RNF38: variants seen among roughly 807,000 people sequenced by gnomAD.
The protein encoded by RNF38 is ring finger protein 38, also known as E3 ubiquitin-protein ligase RNF38.
Under a neutral mutation model 67.2 loss-of-function variants are expected in RNF38, and 15 were observed. The observed-to-expected ratio is 0.22, with a 90% CI of 0.15 to 0.34. The LOEUF (loss-of-function observed/expected upper bound fraction) is 0.34. RNF38 is among the 10% of genes least tolerant of loss of function. The pLI is 1.00. For missense variants in RNF38, 524 were observed against 639.9 expected (o/e 0.82, Z 1.95); for synonymous variants, 220 against 218.8 (o/e 1.01, Z -0.05).
At chr9:36,425,253 T>C (rs1351899120) in intron 1 of RNF38, among the ~76,000 whole-genome samples, 3 of 152,180 alleles carry the variant, frequency 2.0e-5, no homozygotes, top group Non-Finnish European at 4.4e-5. Context: ...ACACAAACTA[T>C]TCAACAAGTG....
chr9:36,342,246 A>AGC, intron 11 of RNF38, 79 bp downstream of exon 11: 1 of 975,372 alleles, frequency 1.0e-6, no homozygotes. Context: ...CTGTCCACTG[A>AGC]GCTATGAACT....
chr9:36,358,707 G>GA (rs1834304424), intron 4 of RNF38, among the ~76,000 whole-genome samples: 1 of 152,120 alleles, frequency 6.6e-6, no homozygotes, highest in Non-Finnish European at 1.5e-5. Context: ...AAACACAACT[G>GA]AAAAAATATG....
At position 36,342,308 on chromosome 9, in the gene RNF38, A is replaced by C. The variant is rs1832915255; in HGVS notation, c.1485+17T>G. On this transcript the variant is annotated intron_variant, in intron 11 of 11. Transcript: ENST00000259605. ...GAAAATTCAATGTCATTTCCTTTAA[A>C]GATGTCATCACTTTACCTTAAGCCA... 1.3e-6 allele frequency: 2 copies of C among 1,527,500 alleles called. No individual in the cohort carries two copies. The highest frequency in any genetic ancestry group is 1.7e-5 in the Admixed American group (1 of 59,878). 94.6% of individuals were successfully genotyped at this position (1,527,500 alleles called of 1,614,324 possible). A position where few individuals can be genotyped will look rare whatever the true frequency, so the allele number is the denominator to read the frequency against.
chr9:36,357,876 A>G lies in RNF38; in HGVS notation c.637T>C (p.Cys213Arg). The change falls in exon 5 of 12, where the codon TGC becomes CGC. Residue 213 changes from cysteine (C) to arginine (R), a missense_variant. Cys to Arg is a radical substitution (Grantham distance 180, BLOSUM62 -3). Transcript: ENST00000259605. The stretch of plus-strand genomic sequence containing the variant: ...CAAGCAGGGATGTGCTGGCCTGTGC[A>G]GAGTGGAATCCCATGTGGTGCCACT... Reference protein sequence around the residue: ...TTVAPHGIPLCTGQHIPACST... With the variant: ...TTVAPHGIPLRTGQHIPACST... 1.2e-6 allele frequency: 2 copies of G among 1,614,102 alleles called. No homozygotes were observed. The highest frequency in any genetic ancestry group is 1.7e-6 in the Non-Finnish European group (2 of 1,179,962).
At chr9:36,452,014 C>G (rs1039471055) in intron 1 of RNF38, among the ~76,000 whole-genome samples, 2 of 151,914 alleles carry the variant, frequency 1.3e-5, no homozygotes, top group African/African-American at 4.8e-5. Context: ...CTCAGGAGTT[C>G]AAGAATAGCC....
chr9:36,434,526 C>T (rs1400971242), intron 1 of RNF38, among the ~76,000 whole-genome samples: 1 of 152,194 alleles, frequency 6.6e-6, no homozygotes, highest in East Asian at 1.9e-4. Flanking sequence ...GCTGGGATTA[C>T]ACGCATGCGC....
upstream of RNF38, chr9:36,401,034 C>A (rs902603085): frequency 8.1e-6 from 8 of 984,876 alleles, no homozygotes; most frequent in East Asian, 4.6e-4. Flanking sequence ...CCGCGACACG[C>A]GCGGTCCTCC....
chr9:36,390,986 G>A (rs1837038352), intron 1 of RNF38, among the ~76,000 whole-genome samples: 1 of 152,208 alleles, frequency 6.6e-6, no homozygotes, highest in Admixed American at 6.5e-5. Context: ...AAGGTTAAGT[G>A]TTTGCCTGGA....
chr9:36,401,189 G>A (rs1230319593), upstream of RNF38: 8 of 982,422 alleles, frequency 8.1e-6, no homozygotes, highest in African/African-American at 1.8e-5. Flanking sequence ...TTTCCACCCC[G>A]AGGGGGAAGG....
intron 1 of RNF38, among the ~76,000 whole-genome samples, chr9:36,429,758 C>T (rs997226666): frequency 6.6e-6 from 1 of 152,184 alleles, no homozygotes; most frequent in East Asian, 1.9e-4. Flanking sequence ...CACGCCACTG[C>T]ACTCCAGCCT....
At chr9:36,398,487 T>C (rs1467652123) in intron 1 of RNF38, among the ~76,000 whole-genome samples, 2 of 152,224 alleles carry the variant, frequency 1.3e-5, no homozygotes, top group Non-Finnish European at 2.9e-5. Context: ...CTCTTCTTCA[T>C]CTGTTTATTC....
rs1832512687 is a variant in RNF38, at chr9:36,337,205, TG to T, written c.*2546del. 1 of 152,260 alleles carries T rather than the reference TG, an allele frequency of 6.6e-6. No homozygotes were observed. The highest frequency in any genetic ancestry group is 1.5e-5 in the Non-Finnish European group (1 of 68,050). 9.4% of individuals were successfully genotyped at this position (152,260 alleles called of 1,614,324 possible). On this transcript the variant is annotated 3_prime_UTR_variant, in exon 12 of 12. Transcript: ENST00000259605. ...TTGCTAGCCACAGAGTTGCTCACTG[TG>T]GCAAGCCTGAGCTGGTCAGAACACC...
intron 1 of RNF38, among the ~76,000 whole-genome samples, chr9:36,485,982 T>C (rs966771907): frequency 1.3e-5 from 2 of 152,192 alleles, no homozygotes; most frequent in Admixed American, 1.3e-4. Flanking sequence ...ACACTCAACC[T>C]TGTAAGCTAC....
rs752461894 is a variant in RNF38, at chr9:36,352,841, G to C, written c.1079C>G (p.Pro360Arg). The change falls in exon 8 of 12, where the codon CCT becomes CGT. Residue 360 changes from proline to arginine, a missense_variant. Around this residue, in one of 2 missense-constraint regions of RNF38, gnomAD observed 461 missense variants for 517.4 expected, o/e 0.89. Transcript: ENST00000259605. ...TGTAAGCCTCCGAGGCATAAATGGA[G>C]GATAAGGCTGCAAGGGGAAAAATGT... Reference protein sequence around the residue: ...HQEVSFGVPYPPFMPRRLTGR... With the variant: ...HQEVSFGVPYRPFMPRRLTGR... 1 of 1,611,414 alleles carries C rather than the reference G, an allele frequency of 6.2e-7. No homozygotes were observed. Among genetic ancestry groups the C allele is most frequent in the Non-Finnish European group, 8.5e-7 (1 of 1,177,644 alleles).
upstream of RNF38, chr9:36,400,469 G>C: frequency 2.9e-6 from 3 of 1,026,862 alleles, no homozygotes; most frequent in Non-Finnish European, 3.5e-6. Flanking sequence ...CTTAGCCCAA[G>C]ACTCGGGCGC....
chr9:36,479,488 C>A (rs547058920), intron 1 of RNF38, among the ~76,000 whole-genome samples: 3 of 152,316 alleles, frequency 2.0e-5, no homozygotes, highest in Non-Finnish European at 4.4e-5. Context: ...CAGGGCTTAT[C>A]TTGGCAGATG....
At chr9:36,365,078 G>T (rs960610654) in intron 4 of RNF38, among the ~76,000 whole-genome samples, 1 of 152,146 alleles carries the variant, frequency 6.6e-6, no homozygotes, top group African/African-American at 2.4e-5. Context: ...ACTATCAGTA[G>T]TTCACTTTCT....
In RNF38 at chr9:36,370,568, G is replaced by C. The variant is rs140567594; in HGVS notation, c.357-636C>G. ...AAATTTTTAACTTTTAATTTTTATG[G>C]GTGCACACAAGGTATATATACTTAC... On this transcript the variant is annotated intron_variant, in intron 3 of 11. Coordinates refer to ENST00000259605, the MANE Select transcript of RNF38 (RefSeq NM_022781.5). Among the ~76,000 whole-genome samples the C allele has an allele frequency of 2.8e-4, 43 of 151,950 alleles. 1 individual carries two copies. The East Asian group carries it at 5.8e-3, about 21-fold the overall frequency.
At chr9:36,459,762 G>C (rs958027852) in intron 1 of RNF38, among the ~76,000 whole-genome samples, 1 of 151,940 alleles carries the variant, frequency 6.6e-6, no homozygotes, top group Non-Finnish European at 1.5e-5. Flanking sequence ...TTTTAGGAAA[G>C]TTTATTTTCA....
Sources: gnomAD v4.1 joint callset for allele counts (sites outside exome capture counted in the v4.1 genomes callset) on GRCh38, gnomAD v4.1.1 for gene constraint, gnomAD v4.1.1 regional missense constraint, MANE v1.5 for transcripts, NCBI Gene and HGNC (gene_info 2026-07-23, HGNC 2026-07-21) for gene names.